The following UBE3D variants were observed in gnomAD, a reference collection of about 807,000 sequenced individuals.
UBE3D encodes the protein E3 ubiquitin-protein ligase E3D.
In UBE3D, 48 loss-of-function variants were observed where a neutral mutation model predicts 49.6. The observed-to-expected ratio is 0.97, with a 90% CI of 0.77 to 1.23. The LOEUF is 1.23. Among genes scored for constraint, UBE3D ranks in the 50% most tolerant of loss-of-function variants. UBE3D has a pLI of 0.00. For missense variants in UBE3D, 452 were observed against 468.4 expected, an observed-to-expected ratio of 0.96 and a Z score of 0.32; for synonymous variants, 189 against 174.2, an observed-to-expected ratio of 1.08 and a Z score of -0.67.
intron 8 of UBE3D, among the ~76,000 whole-genome samples, chr6:82,962,114 T>A (rs1034566247): frequency 2.0e-5 from 3 of 151,888 alleles, no homozygotes; most frequent in African/African-American, 7.3e-5. Flanking sequence ...AAAAAAAGAT[T>A]AGGGGGCAAT....
At chr6:83,047,470 C>T (rs1390716787) in intron 3 of UBE3D, among the ~76,000 whole-genome samples, 2 of 152,204 alleles carry the variant, frequency 1.3e-5, no homozygotes, top group African/African-American at 4.8e-5. Flanking sequence ...TCCCGTACCT[C>T]CCTGATGTGG....
At chr6:82,982,791 C>A (rs1778201903) in intron 8 of UBE3D, among the ~76,000 whole-genome samples, 1 of 152,046 alleles carries the variant, frequency 6.6e-6, no homozygotes, top group Non-Finnish European at 1.5e-5. Context: ...TGGTGTTAGC[C>A]CAATTCTACG....
At chr6:83,051,292 C>T (rs923240060) in intron 3 of UBE3D, among the ~76,000 whole-genome samples, 8 of 152,158 alleles carry the variant, frequency 5.3e-5, no homozygotes, top group South Asian at 2.1e-4. Flanking sequence ...GCTCCTGCCT[C>T]CAGGGCCTGC....
intron 9 of UBE3D, among the ~76,000 whole-genome samples, chr6:82,918,202 G>A (rs1773061928): frequency 6.6e-6 from 1 of 150,878 alleles, no homozygotes; most frequent in Non-Finnish European, 1.5e-5. Context: ...TTCTCTTCAA[G>A]TTGTCTTTTA....
At chr6:82,937,527 T>C (rs538981415) in intron 9 of UBE3D, among the ~76,000 whole-genome samples, 8 of 152,174 alleles carry the variant, frequency 5.3e-5, no homozygotes, top group Non-Finnish European at 1.0e-4. Flanking sequence ...GCTCAGTGTG[T>C]GGGAAAGAAC....
intron 5 of UBE3D, among the ~76,000 whole-genome samples, chr6:83,025,006 C>A (rs1389099500): frequency 1.3e-5 from 2 of 152,174 alleles, no homozygotes; most frequent in African/African-American, 4.8e-5. Context: ...ATAGAACTTT[C>A]TTATACAAAT....
chr6:82,953,055 A>G (rs1775913914), intron 9 of UBE3D, among the ~76,000 whole-genome samples: 1 of 152,196 alleles, frequency 6.6e-6, no homozygotes, highest in African/African-American at 2.4e-5. Flanking sequence ...TCAGGTTAAG[A>G]GCTGGTTGCT....
At chr6:82,917,290 A>G (rs997647434) in intron 9 of UBE3D, among the ~76,000 whole-genome samples, 1 of 152,204 alleles carries the variant, frequency 6.6e-6, no homozygotes, top group African/African-American at 2.4e-5. Context: ...ATAGCTAGAC[A>G]TGAACAGGAG....
In UBE3D at chr6:83,015,176, C is replaced by A. The variant is rs114796680; in HGVS notation, c.1010+3797G>T. Among the ~76,000 whole-genome samples the A allele has an allele frequency of 6.7e-3, 1,014 of 152,246 alleles. 13 individuals are homozygous for A. Among genetic ancestry groups the A allele is most frequent in the African/African-American group, 0.023 (959 of 41,562 alleles). Reference sequence around the variant, plus strand: ...TCTGATATACAGAGAAGGGCAATTACGGGGCTCTTCAAAGATGAAGGTGCT... The same window carrying A: ...TCTGATATACAGAGAAGGGCAATTAAGGGGCTCTTCAAAGATGAAGGTGCT... On this transcript the variant is annotated intron_variant, in intron 8 of 9. Coordinates refer to ENST00000369747, the MANE Select transcript of UBE3D (RefSeq NM_198920.3).
At chr6:83,021,825 C>T (rs999858492) in intron 7 of UBE3D, among the ~76,000 whole-genome samples, 17 of 151,354 alleles carry the variant, frequency 1.1e-4, no homozygotes, top group Non-Finnish European at 1.9e-4. Flanking sequence ...GCTGAGATCA[C>T]GCCACTGCAC....
intron 8 of UBE3D, among the ~76,000 whole-genome samples, chr6:83,009,938 A>T (rs1050903969): frequency 6.6e-6 from 1 of 151,908 alleles, no homozygotes; most frequent in Admixed American, 6.6e-5. Context: ...AAAGATACAA[A>T]ACATTCATGG....
intron 5 of UBE3D, among the ~76,000 whole-genome samples, chr6:83,024,891 T>A (rs553182700): frequency 6.6e-6 from 1 of 152,306 alleles, no homozygotes; most frequent in East Asian, 1.9e-4. Context: ...TGTCCTCTCC[T>A]TCATTCAAGG....
intron 4 of UBE3D, among the ~76,000 whole-genome samples, chr6:83,041,594 A>T (rs1782674854): frequency 6.6e-6 from 1 of 152,216 alleles, no homozygotes. Flanking sequence ...GAGCAGATGA[A>T]GCATACTTAA....
At chr6:83,005,036 CA>C (rs1428645289) in intron 8 of UBE3D, among the ~76,000 whole-genome samples, 1 of 152,126 alleles carries the variant, frequency 6.6e-6, no homozygotes, top group East Asian at 1.9e-4. Context: ...ACACAATGAA[CA>C]AAGTGAAAAA....
intron 1 of UBE3D, among the ~76,000 whole-genome samples, chr6:83,061,941 A>G (rs1784195638): frequency 6.6e-6 from 1 of 152,082 alleles, no homozygotes; most frequent in African/African-American, 2.4e-5. Context: ...GTCTCCCACC[A>G]GGTATGGCAG....
intron 5 of UBE3D, among the ~76,000 whole-genome samples, chr6:83,032,757 T>C (rs979187295): frequency 2.6e-5 from 4 of 152,122 alleles, no homozygotes; most frequent in Non-Finnish European, 5.9e-5. Context: ...ATTAACTGAA[T>C]CATGGGGGCG....
chr6:83,027,434 CAAAAAAAA>C (rs61225462), intron 5 of UBE3D, among the ~76,000 whole-genome samples: 887 of 34,644 alleles, frequency 0.026, 28 homozygotes, highest in East Asian at 0.22. Flanking sequence ...GACTCCGTCT[CAAAAAAAA>C]AAAAAAAAAA....
rs534841767 is a variant in UBE3D, at chr6:82,957,620, T to G, written c.1011-170A>C. Among the ~76,000 whole-genome samples, 15 of 152,306 alleles carry G rather than the reference T, an allele frequency of 9.8e-5. No individual in the cohort carries two copies. The East Asian group carries it at 2.1e-3, about 22-fold the overall frequency. On this transcript the variant is annotated intron_variant, in intron 8 of 9. Transcript: ENST00000369747. ...ACATGTCCAAGACGTTTTTATGGTGTTGTTGATATAAAGCAGATGGATCAG... is the reference window on the plus strand; with the variant it reads ...ACATGTCCAAGACGTTTTTATGGTGGTGTTGATATAAAGCAGATGGATCAG...
chr6:83,018,900 T>C (rs544721900), intron 8 of UBE3D, 73 bp downstream of exon 8: 1 of 1,561,182 alleles, frequency 6.4e-7, no homozygotes, highest in African/African-American at 1.4e-5. Context: ...TTTAATTCAT[T>C]AATTTCTTAA....
Sources: allele counts gnomAD v4.1 joint callset (sites outside exome capture counted in the v4.1 genomes callset), GRCh38; gene constraint gnomAD v4.1.1; transcripts MANE v1.5; gene names NCBI Gene and HGNC (gene_info 2026-07-23, HGNC 2026-07-21).